Variants in NOCT observed in about 807,000 individuals in gnomAD.
NOCT encodes the protein nocturnin.
In NOCT, 18 loss-of-function variants were observed where a neutral mutation model predicts 35.0. The ratio of observed to expected loss-of-function variants is 0.51; its 90% CI spans 0.36 to 0.76. The LOEUF is 0.76. Among genes scored for constraint, NOCT ranks in the 30% least tolerant of loss-of-function variants. The pLI is 0.01. For synonymous variants in NOCT, 235 were observed against 226.3 expected (o/e 1.04, Z -0.34); for missense variants, 479 against 541.0 (o/e 0.89, Z 1.14).
chr4:139,043,298 A>AC lies in NOCT; in HGVS notation c.418dup (p.His140ProfsTer29). The AC allele has an allele frequency of 6.2e-7, 1 of 1,614,046 alleles. No homozygotes were observed. The highest frequency in any genetic ancestry group is 2.2e-5 in the East Asian group (1 of 44,866). On this transcript the variant is annotated frameshift_variant, in exon 2 of 3. Transcript: ENST00000280614. LOFTEE classifies it high-confidence loss of function. ...GGATCTGAGGACAGATTGCCCTAGTACCCACCCACCTATCAGGGTTATGCA... is the reference window on the plus strand; with the variant it reads ...GGATCTGAGGACAGATTGCCCTAGTACCCCACCCACCTATCAGGGTTATGCA...
chr4:139,025,829 A>G (rs1357613065), intron 1 of NOCT, among the ~76,000 whole-genome samples: 1 of 152,138 alleles, frequency 6.6e-6, no homozygotes, highest in East Asian at 1.9e-4. Context: ...ATTTAAATAT[A>G]GGCACTTTAT....
chr4:139,019,773 C>T (rs1408377758), intron 1 of NOCT, among the ~76,000 whole-genome samples: 1 of 152,054 alleles, frequency 6.6e-6, no homozygotes, highest in African/African-American at 2.4e-5. Context: ...TAGCAGCCCC[C>T]CTAAGAAGTA....
intron 1 of NOCT, among the ~76,000 whole-genome samples, chr4:139,017,632 C>A (rs907656851): frequency 6.6e-6 from 1 of 151,402 alleles, no homozygotes; most frequent in African/African-American, 2.4e-5. Flanking sequence ...GAGTTCGTGA[C>A]CATCCTGGCC....
At chr4:139,035,797 C>A (rs914032558) in intron 1 of NOCT, among the ~76,000 whole-genome samples, 7 of 152,076 alleles carry the variant, frequency 4.6e-5, no homozygotes, top group African/African-American at 1.4e-4. Context: ...TTTTCTCTGA[C>A]CTCATCTCCT....
chr4:139,035,532 T>C (rs1230790322), intron 1 of NOCT, among the ~76,000 whole-genome samples: 1 of 152,182 alleles, frequency 6.6e-6, no homozygotes, highest in Non-Finnish European at 1.5e-5. Flanking sequence ...TCCAACCACT[T>C]TCACTGCTGC....
chr4:139,033,607 G>T (rs548298094), intron 1 of NOCT, among the ~76,000 whole-genome samples: 1 of 151,966 alleles, frequency 6.6e-6, no homozygotes, highest in Non-Finnish European at 1.5e-5. Flanking sequence ...AGAAGTTAGA[G>T]GATGCAGTGA....
intron 1 of NOCT, among the ~76,000 whole-genome samples, chr4:139,024,890 C>G (rs1433598684): frequency 6.6e-6 from 1 of 152,214 alleles, no homozygotes; most frequent in African/African-American, 2.4e-5. Context: ...AGGTGTGAGC[C>G]ACCGCGCCCA....
intron 1 of NOCT, among the ~76,000 whole-genome samples, chr4:139,042,703 G>T (rs1173059356): frequency 6.6e-6 from 1 of 152,100 alleles, no homozygotes; most frequent in Non-Finnish European, 1.5e-5. Context: ...ATCACCTGAG[G>T]TCGGGAGTTC....
At chr4:139,039,876 C>CA (rs1170789821) in intron 1 of NOCT, among the ~76,000 whole-genome samples, 1 of 151,910 alleles carries the variant, frequency 6.6e-6, no homozygotes, top group African/African-American at 2.4e-5. Context: ...TACAGGCGCC[C>CA]AACACCATGC....
intron 1 of NOCT, among the ~76,000 whole-genome samples, chr4:139,039,524 CT>C (rs1726797054): frequency 6.6e-6 from 1 of 151,510 alleles, no homozygotes; most frequent in Non-Finnish European, 1.5e-5. Flanking sequence ...TCTATAAGAA[CT>C]GCTATTACTC....
In NOCT at chr4:139,023,257, GCT is replaced by G. The variant is rs777713280; in HGVS notation, c.190+7089_190+7090del. Among the ~76,000 whole-genome samples, 214 of 152,202 alleles carry G rather than the reference GCT, an allele frequency of 1.4e-3. 3 individuals carry two copies. The highest frequency in any genetic ancestry group is 2.4e-3 in the Non-Finnish European group (165 of 68,026). ...ACTCTGAGGTTCCAGTACTTAAACAGCTCTGTTTGCCGATCTGCAAATATGCT... is the reference window on the plus strand; with the variant it reads ...ACTCTGAGGTTCCAGTACTTAAACAGCTGTTTGCCGATCTGCAAATATGCT... On this transcript the variant is annotated intron_variant, in intron 1 of 2. Coordinates refer to ENST00000280614, the MANE Select transcript of NOCT (RefSeq NM_012118.4).
intron 1 of NOCT, 134 bp downstream of exon 1, chr4:139,016,305 C>T (rs1726297583): frequency 4.4e-6 from 2 of 456,312 alleles, no homozygotes; most frequent in Non-Finnish European, 6.9e-6. Flanking sequence ...GGTCCTTTAC[C>T]GGAGCAACCT....
intron 1 of NOCT, among the ~76,000 whole-genome samples, chr4:139,021,334 C>T (rs1726408944): frequency 6.6e-6 from 1 of 151,660 alleles, no homozygotes; most frequent in South Asian, 2.1e-4. Flanking sequence ...GAAGAAATTC[C>T]AGGGCCGGGC....
chr4:139,021,016 G>A (rs140795119), intron 1 of NOCT, among the ~76,000 whole-genome samples: 7 of 148,786 alleles, frequency 4.7e-5, no homozygotes, highest in African/African-American at 7.5e-5. Flanking sequence ...TCAGTGAGCC[G>A]AGATTGCGCC....
Position 139,016,153 on chromosome 4 carries a change from A to C in NOCT, c.172A>C (p.Arg58=), listed in dbSNP as rs1578621631. 7.1e-6 allele frequency: 9 copies of C among 1,267,988 alleles called. No individual in the cohort carries two copies. The highest frequency in any genetic ancestry group is 7.9e-6 in the Non-Finnish European group (8 of 1,011,294). The allele number at this position is 1,267,988 out of a possible 1,614,324, so 78.5% of individuals were successfully genotyped here. A position where few individuals can be genotyped will look rare whatever the true frequency, so the allele number is the denominator to read the frequency against. The change falls in exon 1 of 3, where the codon AGG becomes CGG. Residue 58 remains arginine, a synonymous_variant. Coordinates refer to ENST00000280614, the MANE Select transcript of NOCT (RefSeq NM_012118.4). ...AAASAASGAA[R]SCSRTVCSMG... ...GGCCTCGGCGGCCTCGGGCGCCGCG[A>C]GGTCGTGTTCCCGAACAGGTGAGTG...
At chr4:139,021,070 CAAA>C (rs942925444) in intron 1 of NOCT, among the ~76,000 whole-genome samples, 3 of 55,652 alleles carry the variant, frequency 5.4e-5, no homozygotes, top group South Asian at 1.2e-3. Context: ...TACTCTGTCT[CAAA>C]AAAAAAAAAA....
chr4:139,016,124 C>A lies in NOCT; in HGVS notation c.143C>A (p.Ala48Glu). ...VPRPASPRLL[A>E]AASAASGAAR... ...AGGCCCGCATCCCCCCGGCTGCTGG[C>A]GGCGGCCTCGGCGGCCTCGGGCGCC... Residue 48 changes from alanine to glutamate, a missense_variant, in exon 1 of 3, where the codon GCG (alanine) becomes GAG (glutamate). This residue lies in a region of NOCT where 265 missense variants were observed against 257.0 expected (regional missense o/e 1.03). Transcript: ENST00000280614. 2 of 1,285,466 alleles carry A rather than the reference C, an allele frequency of 1.6e-6. No individual in the cohort carries two copies. The highest frequency in any genetic ancestry group is 2.7e-5 in the South Asian group (1 of 37,436). The allele number at this position is 1,285,466 out of a possible 1,614,324, so 79.6% of individuals were successfully genotyped here. A position where few individuals can be genotyped will look rare whatever the true frequency, so the allele number is the denominator to read the frequency against.
intron 1 of NOCT, among the ~76,000 whole-genome samples, chr4:139,037,017 T>C (rs900290054): frequency 6.6e-6 from 1 of 152,340 alleles, no homozygotes; most frequent in Middle Eastern, 3.4e-3. Flanking sequence ...CTGTCCTAAC[T>C]TCATGCTCAT....
chr4:139,034,099 A>G (rs979458363), intron 1 of NOCT, among the ~76,000 whole-genome samples: 2 of 152,162 alleles, frequency 1.3e-5, no homozygotes, highest in Non-Finnish European at 2.9e-5. Flanking sequence ...AGTCCAGTCA[A>G]AGGGCTGGCA....
Sources: allele counts gnomAD v4.1 joint callset (sites outside exome capture counted in the v4.1 genomes callset), GRCh38; gene constraint gnomAD v4.1.1; regional missense constraint gnomAD v4.1.1; transcripts MANE v1.5; gene names NCBI Gene and HGNC (gene_info 2026-07-23, HGNC 2026-07-21).